Variants in UBE2G2 observed in about 807,000 individuals in gnomAD.
UBE2G2 encodes the protein ubiquitin conjugating enzyme E2 G2.
UBE2G2 carries 10 observed loss-of-function variants against 23.0 expected under a neutral mutation model. That is an observed-to-expected ratio of 0.43 (90% CI 0.27 to 0.74). UBE2G2 has a LOEUF of 0.74. Among genes scored for constraint, UBE2G2 ranks in the 30% least tolerant of loss-of-function variants. UBE2G2 has a pLI of 0.19. For missense variants in UBE2G2, 150 were observed against 218.3 expected (o/e 0.69, Z 1.97); for synonymous variants, 86 against 81.3 (o/e 1.06, Z -0.31).
At chr21:44,787,746 C>G (rs942201923) in intron 3 of UBE2G2, among the ~76,000 whole-genome samples, 174 bp downstream of exon 3, 5 of 152,220 alleles carry the variant, frequency 3.3e-5, no homozygotes, top group African/African-American at 1.2e-4. Flanking sequence ...TCTTTTGGAT[C>G]AATGCTCAGG....
chr21:44,795,172 A>G (rs2083076518), intron 1 of UBE2G2, among the ~76,000 whole-genome samples: 1 of 152,174 alleles, frequency 6.6e-6, no homozygotes, highest in Non-Finnish European at 1.5e-5. Flanking sequence ...CTGAGGCAGG[A>G]GAATTACTTG....
intron 1 of UBE2G2, among the ~76,000 whole-genome samples, chr21:44,798,615 T>C (rs2083112095): frequency 6.6e-6 from 1 of 152,258 alleles, no homozygotes; most frequent in African/African-American, 2.4e-5. Flanking sequence ...TCTGTAAGAC[T>C]CAACTCCCCA....
At chr21:44,786,943 T>G (rs2083000759) in intron 3 of UBE2G2, among the ~76,000 whole-genome samples, 1 of 151,850 alleles carries the variant, frequency 6.6e-6, no homozygotes. Flanking sequence ...AATACAAAAA[T>G]TAGCCAGGCA....
intron 1 of UBE2G2, among the ~76,000 whole-genome samples, chr21:44,795,975 T>A (rs979416044): frequency 2.6e-5 from 4 of 152,324 alleles, no homozygotes; most frequent in African/African-American, 4.8e-5. Flanking sequence ...CAATCACCAT[T>A]AGCTGGAAGA....
At chr21:44,779,187 A>G (rs2082936817) in intron 3 of UBE2G2, 1 of 448,478 alleles carries the variant, frequency 2.2e-6, no homozygotes, top group African/African-American at 2.0e-5. Context: ...AGCAGATGCC[A>G]GCACGGCTCA....
rs781868771 is a variant in UBE2G2 at position 44,797,740 on chromosome 21, A to AAAAAAAAAAAG, written c.43+3965_43+3966insCTTTTTTTTTT. Among the ~76,000 whole-genome samples the AAAAAAAAAAAG allele has an allele frequency of 3.6e-4, 41 of 114,374 alleles. 2 individuals are homozygous for AAAAAAAAAAAG. Among genetic ancestry groups the AAAAAAAAAAAG allele is most frequent in the African/African-American group, 1.2e-3 (37 of 31,136 alleles). 75.0% of individuals were successfully genotyped at this position (114,374 alleles called of 152,430 possible). ...AAAAAAAAAAAAAAAAAAAAAAAAA[A>AAAAAAAAAAAG]AGAGAAAATACCTGCTCACAGTCTA... On this transcript the variant is annotated intron_variant, in intron 1 of 5. Coordinates refer to ENST00000345496, the MANE Select transcript of UBE2G2 (RefSeq NM_003343.6).
chr21:44,773,946 T>C (rs2082894082), intron 4 of UBE2G2: 4 of 373,698 alleles, frequency 1.1e-5, no homozygotes, highest in African/African-American at 2.1e-5. Flanking sequence ...TCCACTTTCA[T>C]ATGAATTTTT....
chr21:44,781,476 C>T (rs2082955918), intron 3 of UBE2G2, among the ~76,000 whole-genome samples: 1 of 152,242 alleles, frequency 6.6e-6, no homozygotes, highest in African/African-American at 2.4e-5. Context: ...ACACTGGGCA[C>T]TTTAAAAGCC....
intron 1 of UBE2G2, chr21:44,800,983 T>C (rs1298127789): frequency 6.6e-6 from 1 of 152,242 alleles, no homozygotes; most frequent in Non-Finnish European, 1.5e-5. Flanking sequence ...ACTCAGGCCC[T>C]GCTCTTAGCC....
intron 1 of UBE2G2, chr21:44,800,462 T>C (rs1192089390): frequency 6.6e-6 from 1 of 152,202 alleles, no homozygotes; most frequent in African/African-American, 2.4e-5. Flanking sequence ...AGCACTTACA[T>C]TGCATTAGGT....
At position 44,777,435 on chromosome 21, in the gene UBE2G2, C is replaced by G. The variant is rs367913215; in HGVS notation, c.126-18G>C. On this transcript the variant is annotated intron_variant, in intron 3 of 5. Transcript: ENST00000345496. ...CTGGGCCCCTAGAAGATATAAAATA[C>G]GTAGACTGAACTTCAAAGTACATTT... 6.2e-7 allele frequency: 1 copy of G among 1,607,756 alleles called. No homozygotes were observed. The highest frequency in any genetic ancestry group is 8.5e-7 in the Non-Finnish European group (1 of 1,174,520).
chr21:44,792,517 A>G lies in UBE2G2; in HGVS notation c.44-4422T>C, dbSNP rs561142685. On this transcript the variant is annotated intron_variant, in intron 1 of 5. Coordinates refer to ENST00000345496, the MANE Select transcript of UBE2G2 (RefSeq NM_003343.6). The stretch of plus-strand genomic sequence containing the variant: ...TCCTTGGCTTGCTCTTCTCTCTCCT[A>G]CCGCCTTGAGAAGAGGTCTGTTTCC... 4.6e-5 allele frequency among the ~76,000 whole-genome samples: 7 copies of G among 152,138 alleles called. 1 individual carries two copies. In the East Asian group the frequency reaches 1.4e-3, roughly 29 times the overall value.
At chr21:44,776,387 T>C (rs1296626356) in intron 4 of UBE2G2, among the ~76,000 whole-genome samples, 1 of 152,238 alleles carries the variant, frequency 6.6e-6, no homozygotes, top group Non-Finnish European at 1.5e-5. Flanking sequence ...ATTTTTGTGC[T>C]TACTTTTCCA....
At chr21:44,798,590 T>C (rs897354688) in intron 1 of UBE2G2, among the ~76,000 whole-genome samples, 4 of 152,240 alleles carry the variant, frequency 2.6e-5, no homozygotes, top group Non-Finnish European at 5.9e-5. Flanking sequence ...ATCTCAAGAA[T>C]CACTTCTTTG....
intron 1 of UBE2G2, among the ~76,000 whole-genome samples, chr21:44,796,590 C>T (rs1303506436): frequency 6.6e-6 from 1 of 152,096 alleles, no homozygotes; most frequent in African/African-American, 2.4e-5. Flanking sequence ...ACAGGAAAAA[C>T]AAAGTCCCCT....
chr21:44,791,261 T>C (rs977009645), intron 1 of UBE2G2, among the ~76,000 whole-genome samples: 1 of 152,116 alleles, frequency 6.6e-6, no homozygotes, highest in Non-Finnish European at 1.5e-5. Context: ...AGGAGCCAAA[T>C]ATTAATCGCC....
chr21:44,786,979 C>G (rs2083001072), intron 3 of UBE2G2, among the ~76,000 whole-genome samples: 1 of 151,886 alleles, frequency 6.6e-6, no homozygotes, highest in Non-Finnish European at 1.5e-5. Flanking sequence ...GTAATCCCAG[C>G]TACTAGGGAG....
intron 1 of UBE2G2, among the ~76,000 whole-genome samples, chr21:44,788,343 G>A (rs2083016357): frequency 1.4e-5 from 2 of 139,864 alleles, no homozygotes; most frequent in Admixed American, 7.6e-5. Context: ...AGGCTGAAGT[G>A]CAGTGGTGTG....
intron 3 of UBE2G2, among the ~76,000 whole-genome samples, chr21:44,779,373 G>GC (rs2082938861): frequency 8.4e-6 from 1 of 118,918 alleles, no homozygotes; most frequent in East Asian, 2.7e-4. Flanking sequence ...AGCTGGGGTG[G>GC]GGGGGGGGTA....
Sources: gnomAD v4.1 joint callset for allele counts (sites outside exome capture counted in the v4.1 genomes callset) on GRCh38, gnomAD v4.1.1 for gene constraint, MANE v1.5 for transcripts, NCBI Gene and HGNC (gene_info 2026-07-23, HGNC 2026-07-21) for gene names.